The following FAM200B variants were observed in gnomAD, a reference collection of about 807,000 sequenced individuals.
FAM200B encodes the protein zinc finger BED-type containing 11, also known as protein FAM200B.
In FAM200B, 32 loss-of-function variants were observed where a neutral mutation model predicts 33.1. The observed-to-expected ratio is 0.97, with a 90% CI of 0.73 to 1.30. The LOEUF is 1.30. FAM200B is among the 50% of genes most tolerant of loss of function. The pLI is 0.00. For missense variants in FAM200B, 741 were observed against 754.0 expected (o/e 0.98, Z 0.20); for synonymous variants, 240 against 264.8 (o/e 0.91, Z 0.91).
the FAM200B span, among the ~76,000 whole-genome samples, chr4:15,662,899 C>G: frequency 6.6e-6 from 1 of 152,228 alleles, no homozygotes; most frequent in East Asian, 1.9e-4. Flanking sequence ...TTGTTACTAC[C>G]AGATCTTTGT....
the FAM200B span, among the ~76,000 whole-genome samples, chr4:15,645,756 A>G: frequency 3.3e-3 from 508 of 152,260 alleles, 32 homozygotes; most frequent in South Asian, 0.099. Flanking sequence ...GTTAATCTTG[A>G]TGTTAAATGG....
At chr4:15,659,721 A>C in the FAM200B span, 2 of 985,146 alleles carry the variant, frequency 2.0e-6, no homozygotes, top group South Asian at 9.4e-5. Context: ...CCTTTATGTC[A>C]CCTACCTTGC....
chr4:15,649,320 C>G, the FAM200B span, among the ~76,000 whole-genome samples: 22 of 152,068 alleles, frequency 1.4e-4, 1 homozygote, highest in African/African-American at 4.8e-4. Context: ...TGGTTCACGC[C>G]TGTAATCCCA....
chr4:15,687,530 G>C lies in FAM200B; in HGVS notation c.553G>C (p.Asp185His). 6.4e-7 allele frequency: 1 copy of C among 1,550,632 alleles called. No homozygotes were observed. Among genetic ancestry groups the C allele is most frequent in the South Asian group, 1.2e-5 (1 of 83,986 alleles). ...GGATATGGTGCGTACAATATTTGAT[G>C]ATAAATCAGCTGATAAATTAAAAAC... ...CLDMVRTIFD[D>H]KSADKLKTIP... is the part of the protein sequence containing the mutation. The change falls in exon 2 of 2, where the codon GAT (aspartate) becomes CAT (histidine). Residue 185 changes from aspartate to histidine, a missense_variant. Asp to His is a moderately conservative substitution (Grantham distance 81). Transcript: ENST00000422728.
upstream of FAM200B, among the ~76,000 whole-genome samples, chr4:15,677,493 T>C (rs1470400407): frequency 6.6e-6 from 1 of 152,154 alleles, no homozygotes; most frequent in Non-Finnish European, 1.5e-5. Context: ...GTTTACAGGA[T>C]TAAAACTTTT....
intron 1 of FAM200B, among the ~76,000 whole-genome samples, chr4:15,683,971 A>G (rs1205105721): frequency 2.0e-5 from 3 of 152,256 alleles, no homozygotes; most frequent in Non-Finnish European, 4.4e-5. Flanking sequence ...ACCTAAAACC[A>G]TATCATATAA....
At chr4:15,644,730 A>T in the FAM200B span, 1 of 1,544,198 alleles carries the variant, frequency 6.5e-7, no homozygotes, top group Non-Finnish European at 8.8e-7. Flanking sequence ...TTTAAAAAGA[A>T]AAGTGTAATA....
Position 15,686,909 on chromosome 4 carries a change from T to G in FAM200B, c.-69T>G, listed in dbSNP as rs1718900271. On this transcript the variant is annotated 5_prime_UTR_variant, in exon 2 of 2. It adds an upstream start codon to the 5' untranslated region. Transcript: ENST00000422728. ...AAAAGATGTTATTTAGACTGTATAT[T>G]TTTTTCTTCTTTTTTGAGTTAGTGC... 1 of 793,068 alleles carries G rather than the reference T, an allele frequency of 1.3e-6. No individual in the cohort carries two copies. The highest frequency in any genetic ancestry group is 1.8e-5 in the African/African-American group (1 of 56,368). The allele number at this position is 793,068 out of a possible 1,614,324, so 49.1% of individuals were successfully genotyped here.
the FAM200B span, among the ~76,000 whole-genome samples, chr4:15,642,237 T>C: frequency 6.9e-6 from 1 of 145,702 alleles, no homozygotes; most frequent in Non-Finnish European, 1.5e-5. Flanking sequence ...TATAAAATAA[T>C]GAAAACTTTT....
At chr4:15,640,794 T>C in the FAM200B span, 17 of 1,531,068 alleles carry the variant, frequency 1.1e-5, no homozygotes, top group East Asian at 1.7e-4. Context: ...TTACCTCCTC[T>C]TCCTCTTTCA....
chr4:15,679,578 C>A (rs373793642), upstream of FAM200B, among the ~76,000 whole-genome samples: 236 of 135,526 alleles, frequency 1.7e-3, no homozygotes, highest in Middle Eastern at 3.9e-3. Context: ...AAAAAAAAAA[C>A]AAAAAAACAA....
Position 15,687,007 on chromosome 4 carries a change from G to A in FAM200B, c.30G>A (p.Arg10=), listed in dbSNP as rs1240869519. 2.1e-6 allele frequency: 3 copies of A among 1,433,150 alleles called. No homozygotes were observed. Among genetic ancestry groups the A allele is most frequent in the Middle Eastern group, 1.8e-4 (1 of 5,622 alleles). The allele number at this position is 1,433,150 out of a possible 1,614,324, so 88.8% of individuals were successfully genotyped here. The part of the protein sequence containing the change: MDHFFIKRK[R]NSEVKYTEAC... ...ATCATTTCTTTATTAAAAGAAAGAG[G>A]AATAGTGAAGTGAAATATACAGAAG... The change falls in exon 2 of 2, where the codon AGG becomes AGA. Residue 10 remains arginine (R), a synonymous_variant. Transcript: ENST00000422728.
the FAM200B span, among the ~76,000 whole-genome samples, chr4:15,642,687 A>G: frequency 2.0e-5 from 3 of 152,120 alleles, no homozygotes; most frequent in African/African-American, 7.2e-5. Flanking sequence ...GCATATCCAC[A>G]TGGCTTCCAT....
At chr4:15,677,303 A>C (rs903405410), upstream of FAM200B, among the ~76,000 whole-genome samples, 2 of 152,152 alleles carry the variant, frequency 1.3e-5, no homozygotes, top group Non-Finnish European at 2.9e-5. Flanking sequence ...TGGTTCCTGG[A>C]AGAAAGCTCC....
the FAM200B span, among the ~76,000 whole-genome samples, chr4:15,650,977 T>G: frequency 6.6e-6 from 1 of 152,184 alleles, no homozygotes; most frequent in Non-Finnish European, 1.5e-5. Context: ...AAATCAAGTA[T>G]TACAGCCTGG....
At position 15,687,811 on chromosome 4, in the gene FAM200B, G is replaced by T. The variant is rs776399933; in HGVS notation, c.834G>T (p.Arg278Ser). ...TAGATATTTTTACAGAATTAGAAAG[G>T]CGCATAGTTGGCCAATATAAATTAA... ...SGLDIFTELE[R>S]RIVGQYKLNW... Residue 278 changes from arginine (R) to serine (S), a missense_variant, in exon 2 of 2, where the codon AGG becomes AGT. Physicochemically the swap from Arg to Ser is moderately radical, Grantham distance 110. Transcript: ENST00000422728. 6 of 1,551,072 alleles carry T rather than the reference G, an allele frequency of 3.9e-6. No homozygotes were observed. In the South Asian group the frequency reaches 7.1e-5, roughly 18 times the overall value.
chr4:15,681,081 G>A (rs376312256), upstream of FAM200B, among the ~76,000 whole-genome samples: 5 of 151,808 alleles, frequency 3.3e-5, no homozygotes, highest in East Asian at 9.7e-4. Flanking sequence ...ATCATTAGAG[G>A]ACAGAAATAT....
At position 15,687,149 on chromosome 4, in the gene FAM200B, G is replaced by GT. The variant is rs1347150605; in HGVS notation, c.173dup (p.Ser59LysfsTer6). On this transcript the variant is annotated frameshift_variant, in exon 2 of 2. Transcript: ENST00000422728. LOFTEE classifies it high-confidence loss of function. ...TGAGCCACATTTCAAAAAGAAAAAA[G>GT]TAAGTGCAAGACGTTATAATGAAGA... 7 of 1,547,210 alleles carry GT rather than the reference G, an allele frequency of 4.5e-6. No individual in the cohort carries two copies. The highest frequency in any genetic ancestry group is 1.4e-5 in the African/African-American group (1 of 72,818).
the FAM200B span, chr4:15,655,506 C>T: frequency 2.4e-6 from 1 of 418,588 alleles, no homozygotes; most frequent in Non-Finnish European, 3.2e-6. Context: ...CTCGCGGCTT[C>T]TGCCTCCCGC....
Sources: allele counts gnomAD v4.1 joint callset (sites outside exome capture counted in the v4.1 genomes callset), GRCh38; gene constraint gnomAD v4.1.1; transcripts MANE v1.5; gene names NCBI Gene and HGNC (gene_info 2026-07-23, HGNC 2026-07-21).